Variants in ESYT3 observed in about 807,000 individuals in gnomAD.
ESYT3 encodes the protein extended synaptotagmin 3.
In ESYT3, 101 loss-of-function variants were observed where a neutral mutation model predicts 111.5. That is an observed-to-expected ratio of 0.91 (90% confidence interval 0.77 to 1.07). ESYT3 has a LOEUF of 1.07. Among genes scored for constraint, ESYT3 ranks in the 50% least tolerant of loss-of-function variants. The probability of loss-of-function intolerance (pLI) is 0.00; values close to 1 mark genes in which losing one functional copy is unlikely to be tolerated. For missense variants in ESYT3, 1,097 were observed against 1,109.4 expected, an observed-to-expected ratio of 0.99 and a Z score of 0.16; for synonymous variants, 416 against 446.8, an observed-to-expected ratio of 0.93 and a Z score of 0.87.
intron 1 of ESYT3, among the ~76,000 whole-genome samples, chr3:138,438,657 C>G (rs1238787017): frequency 1.3e-5 from 2 of 152,178 alleles, no homozygotes; most frequent in Non-Finnish European, 2.9e-5. Flanking sequence ...TTTGCTTTCC[C>G]TGACTGAACC....
intron 1 of ESYT3, among the ~76,000 whole-genome samples, chr3:138,449,373 A>T (rs968545694): frequency 6.6e-6 from 1 of 152,156 alleles, no homozygotes; most frequent in Non-Finnish European, 1.5e-5. Context: ...GGCATGAGAC[A>T]TAGTTCCCGG....
intron 1 of ESYT3, among the ~76,000 whole-genome samples, chr3:138,451,644 G>A (rs887578264): frequency 2.6e-5 from 4 of 152,096 alleles, no homozygotes; most frequent in African/African-American, 9.7e-5. Context: ...TTTCCTCCTC[G>A]CCTTCCATGT....
At chr3:138,454,309 G>A (rs142403818) in intron 2 of ESYT3, among the ~76,000 whole-genome samples, 36 of 151,998 alleles carry the variant, frequency 2.4e-4, no homozygotes, top group African/African-American at 7.7e-4. Flanking sequence ...AGGCCAAGGC[G>A]GACAGATCAC....
rs751852797 is a variant in ESYT3 at position 138,476,269 on chromosome 3, G to A, written c.2515G>A (p.Asp839Asn). 2 of 1,614,048 alleles carry A rather than the reference G, an allele frequency of 1.2e-6. No homozygotes were observed. Among genetic ancestry groups the A allele is most frequent in the Admixed American group, 3.3e-5 (2 of 60,018 alleles). ...GGAAGAAGTAAAGAAGAGGTCACTAGATGTTGCAGTGAAAAATAGTAGGCC... is the reference window on the plus strand; with the variant it reads ...GGAAGAAGTAAAGAAGAGGTCACTAAATGTTGCAGTGAAAAATAGTAGGCC... Reference protein sequence around the residue: ...PMEEVKKRSLDVAVKNSRPLG... With the variant: ...PMEEVKKRSLNVAVKNSRPLG... Residue 839 changes from aspartate to asparagine, a missense_variant, in exon 21 of 23, where the codon GAT becomes AAT. Transcript: ENST00000389567.
At chr3:138,472,236 GA>G in intron 17 of ESYT3, 126 bp from the exon 18 acceptor site, 1 of 1,230,926 alleles carries the variant, frequency 8.1e-7, no homozygotes, top group Non-Finnish European at 1.1e-6. Context: ...TGTATTACTG[GA>G]AATGGAAGTT....
At chr3:138,444,280 G>GGT (rs1366948214) in intron 1 of ESYT3, among the ~76,000 whole-genome samples, 1 of 152,194 alleles carries the variant, frequency 6.6e-6, no homozygotes, top group African/African-American at 2.4e-5. Flanking sequence ...AGATGGGGAG[G>GGT]GTGGAGGGTT....
chr3:138,439,407 G>C (rs1378300051), intron 1 of ESYT3, among the ~76,000 whole-genome samples: 1 of 152,184 alleles, frequency 6.6e-6, no homozygotes, highest in Admixed American at 6.5e-5. Context: ...GGTTCTCGGA[G>C]TCCCGGCTGT....
At chr3:138,467,344 C>G (rs1366647658) in intron 10 of ESYT3, among the ~76,000 whole-genome samples, 1 of 152,190 alleles carries the variant, frequency 6.6e-6, no homozygotes, top group Non-Finnish European at 1.5e-5. Context: ...AGCCCCCTTC[C>G]TCCCCAAGTA....
Position 138,472,716 on chromosome 3 carries a change from A to T in ESYT3, c.2094A>T (p.Pro698=). Residue 698 remains proline, a synonymous_variant, in exon 18 of 23, where the codon CCA becomes CCT. Transcript: ENST00000389567. ...IFLTVPGPHS[P]GPIKSPRPMK... ...TGACTGTCCCAGGTCCCCACTCTCC[A>T]GGGCCCATCAAGTCACCCAGACCCA... 6.2e-7 allele frequency: 1 copy of T among 1,614,120 alleles called. No individual in the cohort carries two copies. Among genetic ancestry groups the T allele is most frequent in the Admixed American group, 1.7e-5 (1 of 60,020 alleles).
At chr3:138,468,472 A>G (rs1053833562) in intron 12 of ESYT3, among the ~76,000 whole-genome samples, 183 bp from the exon 13 acceptor site, 2 of 152,108 alleles carry the variant, frequency 1.3e-5, no homozygotes, top group East Asian at 3.9e-4. Flanking sequence ...TCTAACTTGA[A>G]TCTGTCATGC....
At chr3:138,447,075 A>G (rs1223663361) in intron 1 of ESYT3, among the ~76,000 whole-genome samples, 1 of 151,352 alleles carries the variant, frequency 6.6e-6, no homozygotes, top group Non-Finnish European at 1.5e-5. Flanking sequence ...ATTACAGAAT[A>G]TAAACTTGAA....
chr3:138,434,674 C>G lies in ESYT3; in HGVS notation c.-125C>G, dbSNP rs2030474968. ...CCCTGAGCTCGGCGCGCCGAGAGTC[C>G]CAGCAGGGCAAGGGGGCGCGGCGTC... On this transcript the variant is annotated 5_prime_UTR_variant, in exon 1 of 23. Coordinates refer to ENST00000389567, the MANE Select transcript of ESYT3 (RefSeq NM_031913.5). 1 of 882,956 alleles carries G rather than the reference C, an allele frequency of 1.1e-6. No individual in the cohort carries two copies. Among genetic ancestry groups the G allele is most frequent in the Non-Finnish European group, 1.6e-6 (1 of 608,670 alleles). The allele number at this position is 882,956 out of a possible 1,614,324, so 54.7% of individuals were successfully genotyped here.
At chr3:138,470,421 C>T (rs968751219) in intron 16 of ESYT3, 6 of 1,134,342 alleles carry the variant, frequency 5.3e-6, no homozygotes, top group Non-Finnish European at 5.4e-6. Flanking sequence ...CCCAGAGCAG[C>T]CTATCTACAC....
chr3:138,476,185 G>A, intron 20 of ESYT3, 38 bp from the exon 21 acceptor site: 1 of 1,317,362 alleles, frequency 7.6e-7, no homozygotes, highest in East Asian at 2.3e-5. Context: ...AAAACTGAAT[G>A]AAATGCATAA....
Position 138,452,082 on chromosome 3 carries a change from C to T in ESYT3, c.362C>T (p.Ala121Val), listed in dbSNP as rs2108604782. 2 of 1,607,826 alleles carry T rather than the reference C, an allele frequency of 1.2e-6. No individual in the cohort carries two copies. The highest frequency in any genetic ancestry group is 8.5e-7 in the Non-Finnish European group (1 of 1,179,762). The part of the protein sequence containing the change: ...HFPDVERVEW[A>V]NKIISQTWPY... ...CCGGACGTGGAGCGGGTCGAGTGGGCCAACAAGGTAAGGCCGCTGGCAGGG... is the reference window on the plus strand; with the variant it reads ...CCGGACGTGGAGCGGGTCGAGTGGGTCAACAAGGTAAGGCCGCTGGCAGGG... The change falls in exon 2 of 23, where the codon GCC becomes GTC. Residue 121 changes from alanine (A) to valine (V), a missense_variant. Physicochemically the swap from Ala to Val is moderately conservative, Grantham distance 64. Coordinates refer to ENST00000389567, the MANE Select transcript of ESYT3 (RefSeq NM_031913.5).
intron 17 of ESYT3, 144 bp from the exon 18 acceptor site, chr3:138,472,219 C>T: frequency 9.7e-7 from 1 of 1,027,332 alleles, no homozygotes. Flanking sequence ...ATATTTGGAA[C>T]ACCATATGTA....
rs2033057587 is a variant in ESYT3 at position 138,468,641 on chromosome 3, G to C, written c.1309-14G>C. 2 of 1,613,998 alleles carry C rather than the reference G, an allele frequency of 1.2e-6. No individual in the cohort carries two copies. Among genetic ancestry groups the C allele is most frequent in the Admixed American group, 3.3e-5 (2 of 60,020 alleles). ...TGCTGGGAGTACCCAGTGAGGGTCT[G>C]TGTCTGTTTGCAGGACCATGGTGGC... On this transcript the variant is annotated splice_polypyrimidine_tract_variant and intron_variant, in intron 12 of 22. Coordinates refer to ENST00000389567, the MANE Select transcript of ESYT3 (RefSeq NM_031913.5).
At chr3:138,446,335 C>T (rs937087256) in intron 1 of ESYT3, among the ~76,000 whole-genome samples, 1 of 152,224 alleles carries the variant, frequency 6.6e-6, no homozygotes, top group Non-Finnish European at 1.5e-5. Context: ...GGTCTCCGTT[C>T]TAGCACTCCA....
chr3:138,468,756 C>A (rs200932622), intron 13 of ESYT3, 39 bp downstream of exon 13: 274 of 1,613,438 alleles, frequency 1.7e-4, no homozygotes, highest in Middle Eastern at 5.0e-4. Context: ...ACAAACGCAA[C>A]AAAGTGCCCA....
Sources: allele counts gnomAD v4.1 joint callset (sites outside exome capture counted in the v4.1 genomes callset), GRCh38; gene constraint gnomAD v4.1.1; transcripts MANE v1.5; gene names NCBI Gene and HGNC (gene_info 2026-07-23, HGNC 2026-07-21).